Variants in OGDH observed in about 807,000 individuals in gnomAD.
The protein encoded by OGDH is oxoglutarate dehydrogenase, also known as 2-oxoglutarate dehydrogenase complex component E1.
A neutral mutation model predicts 116.6 loss-of-function variants in OGDH; 38 were observed. The observed-to-expected ratio is 0.33, with a 90% CI of 0.25 to 0.43. The LOEUF (loss-of-function observed/expected upper bound fraction) is 0.43, where lower values mean the gene tolerates loss of function less well. Ranked by LOEUF, OGDH falls within the 20% of genes least tolerant of loss-of-function variation. The pLI is 1.00. For missense variants in OGDH, 825 were observed against 1,357.2 expected, an observed-to-expected ratio of 0.61 and a Z score of 6.16; for synonymous variants, 488 against 533.3, an observed-to-expected ratio of 0.92 and a Z score of 1.17.
intron 1 of OGDH, among the ~76,000 whole-genome samples, chr7:44,609,733 C>T (rs753318605): frequency 3.3e-5 from 5 of 152,150 alleles, no homozygotes; most frequent in East Asian, 1.9e-4. Flanking sequence ...ATCACTAAGT[C>T]GTAGTGCGTG....
At chr7:44,689,596 A>C (rs536131030) in intron 10 of OGDH, among the ~76,000 whole-genome samples, 54 of 151,622 alleles carry the variant, frequency 3.6e-4, no homozygotes, top group African/African-American at 1.3e-3. Flanking sequence ...GTTTTATTCT[A>C]GCCATCCTAG....
Position 44,645,522 on chromosome 7 carries a change from A to G in OGDH, c.414+4A>G, listed in dbSNP as rs1410844356. Reference sequence around the variant, plus strand: ...GTCGCTCATCAGGGCATATCAGGTAAGGCGGGTGCTTTACCCGCACACGGG... The same window carrying G: ...GTCGCTCATCAGGGCATATCAGGTAGGGCGGGTGCTTTACCCGCACACGGG... On this transcript the variant is annotated splice_donor_region_variant and intron_variant, in intron 3 of 22. Coordinates refer to ENST00000222673, the MANE Select transcript of OGDH (RefSeq NM_002541.4). 1 of 1,613,268 alleles carries G rather than the reference A, an allele frequency of 6.2e-7. No individual in the cohort carries two copies. Among genetic ancestry groups the G allele is most frequent in the Non-Finnish European group, 8.5e-7 (1 of 1,179,338 alleles).
At chr7:44,612,929 G>A (rs1157785535) in intron 1 of OGDH, among the ~76,000 whole-genome samples, 1 of 150,750 alleles carries the variant, frequency 6.6e-6, no homozygotes, top group East Asian at 2.0e-4. Flanking sequence ...CGCCCAGGCT[G>A]GAGTGCAGTG....
At chr7:44,616,797 G>GTA (rs1233680845) in intron 1 of OGDH, among the ~76,000 whole-genome samples, 2 of 90,610 alleles carry the variant, frequency 2.2e-5, no homozygotes, top group Admixed American at 1.1e-4. Context: ...ATATATATGT[G>GTA]TATATATATG....
intron 10 of OGDH, among the ~76,000 whole-genome samples, chr7:44,693,135 C>T (rs184512890): frequency 3.7e-4 from 56 of 152,178 alleles, no homozygotes; most frequent in Non-Finnish European, 6.2e-4. Flanking sequence ...AGTGAAACCC[C>T]GTCTCTACTA....
At chr7:44,660,078 A>C (rs1315928092) in intron 4 of OGDH, among the ~76,000 whole-genome samples, 1 of 152,102 alleles carries the variant, frequency 6.6e-6, no homozygotes, top group East Asian at 1.9e-4. Context: ...TGTTTCTCTC[A>C]GTACTGGTTT....
chr7:44,648,262 T>C (rs1360402960), intron 4 of OGDH, among the ~76,000 whole-genome samples: 4 of 152,226 alleles, frequency 2.6e-5, no homozygotes. Flanking sequence ...TTGTAATTGC[T>C]GGTGATCACA....
At chr7:44,618,449 C>T (rs1784886521) in intron 1 of OGDH, among the ~76,000 whole-genome samples, 1 of 152,206 alleles carries the variant, frequency 6.6e-6, no homozygotes, top group Non-Finnish European at 1.5e-5. Flanking sequence ...CACTAATCTA[C>T]TTTCTCTCTG....
At chr7:44,692,764 G>A (rs760618479) in intron 10 of OGDH, among the ~76,000 whole-genome samples, 1 of 152,254 alleles carries the variant, frequency 6.6e-6, no homozygotes. Context: ...GCTGGGTACT[G>A]TGGCTCACAC....
chr7:44,701,742 G>C, intron 20 of OGDH, 127 bp downstream of exon 20: 1 of 900,460 alleles, frequency 1.1e-6, no homozygotes, highest in East Asian at 2.6e-5. Context: ...ATTTTTGGTT[G>C]TAAAGACCCG....
intron 1 of OGDH, among the ~76,000 whole-genome samples, chr7:44,611,555 C>T (rs1321030598): frequency 2.6e-5 from 4 of 151,914 alleles, no homozygotes; most frequent in African/African-American, 4.8e-5. Flanking sequence ...GGATTACAGG[C>T]GTGAGCCACC....
chr7:44,672,647 T>G (rs1381082405), intron 5 of OGDH, among the ~76,000 whole-genome samples: 12 of 148,544 alleles, frequency 8.1e-5, no homozygotes, highest in Admixed American at 2.7e-4. Context: ...GTTTTTTGTT[T>G]TTTTTTTTTT....
At chr7:44,669,325 T>C (rs774675429) in intron 5 of OGDH, among the ~76,000 whole-genome samples, 4 of 151,906 alleles carry the variant, frequency 2.6e-5, no homozygotes, top group Non-Finnish European at 4.4e-5. Context: ...CTAATTTTTG[T>C]ATTTTTTATA....
rs60453820 is a variant in OGDH, at chr7:44,706,624, A to ATTTTTTTTT, written c.2633-594_2633-586dup. Among the ~76,000 whole-genome samples, 284 of 123,226 alleles carry ATTTTTTTTT rather than the reference A, an allele frequency of 2.3e-3. 7 individuals are homozygous for ATTTTTTTTT. Among genetic ancestry groups the ATTTTTTTTT allele is most frequent in the African/African-American group, 8.6e-3 (267 of 31,050 alleles). 80.8% of individuals were successfully genotyped at this position (123,226 alleles called of 152,430 possible). A position where few individuals can be genotyped will look rare whatever the true frequency, so the allele number is the denominator to read the frequency against. On this transcript the variant is annotated intron_variant, in intron 20 of 22. Transcript: ENST00000222673. ...GGCGTGAGCCATGCGCCCGGCTGGT[A>ATTTTTTTTT]TTTTTTTTTTTTTTTGTCTGGAGAT...
intron 10 of OGDH, among the ~76,000 whole-genome samples, chr7:44,685,594 C>T (rs1219067491): frequency 6.6e-6 from 1 of 151,966 alleles, no homozygotes; most frequent in Admixed American, 6.6e-5. Context: ...CATGTCTGTC[C>T]ATATATCTCT....
At chr7:44,635,491 T>C (rs897146917) in intron 2 of OGDH, among the ~76,000 whole-genome samples, 11 of 151,898 alleles carry the variant, frequency 7.2e-5, no homozygotes, top group African/African-American at 2.7e-4. Context: ...TGACCAAGGG[T>C]AGCTACGTGG....
At position 44,640,329 on chromosome 7, in the gene OGDH, A is replaced by G. The variant is rs115393268; in HGVS notation, c.223-4998A>G. Among the ~76,000 whole-genome samples, 892 of 152,202 alleles carry G rather than the reference A, an allele frequency of 5.9e-3. 9 individuals carry two copies. The highest frequency in any genetic ancestry group is 0.02 in the African/African-American group (838 of 41,510). ...GTGTGTAAATTCTGCCTGAGCCCAC[A>G]TCTCTCCAGTGGGAATATGATTGAC... On this transcript the variant is annotated intron_variant, in intron 2 of 22. Coordinates refer to ENST00000222673, the MANE Select transcript of OGDH (RefSeq NM_002541.4).
At chr7:44,607,875 T>C (rs558981880) in intron 1 of OGDH, among the ~76,000 whole-genome samples, 1 of 152,300 alleles carries the variant, frequency 6.6e-6, no homozygotes, top group East Asian at 1.9e-4. Context: ...CTAATTTTTG[T>C]ATTTTTAGTA....
intron 1 of OGDH, among the ~76,000 whole-genome samples, chr7:44,610,180 T>A (rs1345700979): frequency 6.6e-6 from 1 of 152,190 alleles, no homozygotes; most frequent in Non-Finnish European, 1.5e-5. Flanking sequence ...GATTGTTCGG[T>A]TTTTGTTAAC....
Sources: gnomAD v4.1 joint callset for allele counts (sites outside exome capture counted in the v4.1 genomes callset) on GRCh38, gnomAD v4.1.1 for gene constraint, MANE v1.5 for transcripts, NCBI Gene and HGNC (gene_info 2026-07-23, HGNC 2026-07-21) for gene names.